CSMD1: variants seen among roughly 807,000 people sequenced by gnomAD.
The protein encoded by CSMD1 is CUB and sushi domain-containing protein 1.
CSMD1 carries 213 observed loss-of-function variants against 417.5 expected under a neutral mutation model. That is an observed-to-expected ratio of 0.51 (90% CI 0.46 to 0.57). The LOEUF (loss-of-function observed/expected upper bound fraction) is 0.57. CSMD1 is among the 20% of genes least tolerant of loss of function. The pLI is 0.00. For synonymous variants in CSMD1, 2,862 were observed against 1,736.8 expected, an observed-to-expected ratio of 1.65 and a Z score of -16.11; for missense variants, 6,923 against 4,529.7, an observed-to-expected ratio of 1.53 and a Z score of -15.17.
chr8:4,007,302 GCTT>G (rs1353179125), intron 4 of CSMD1, among the ~76,000 whole-genome samples: 4 of 152,132 alleles, frequency 2.6e-5, no homozygotes, highest in Non-Finnish European at 4.4e-5. Flanking sequence ...TGGAATGTTG[GCTT>G]CTTCTGTTCC....
At chr8:3,658,841 C>T (rs1366679078) in intron 7 of CSMD1, among the ~76,000 whole-genome samples, 1 of 152,108 alleles carries the variant, frequency 6.6e-6, no homozygotes, top group African/African-American at 2.4e-5. Flanking sequence ...TGGTTAATAA[C>T]ATTGAAGGTT....
intron 7 of CSMD1, chr8:3,700,349 T>C (rs1240594820): frequency 2.6e-5 from 4 of 152,116 alleles, no homozygotes; most frequent in African/African-American, 7.2e-5. Flanking sequence ...AGAAATGAAA[T>C]GAACAGGGTT....
intron 1 of CSMD1, among the ~76,000 whole-genome samples, chr8:4,932,093 G>A (rs912157797): frequency 6.6e-6 from 1 of 152,140 alleles, no homozygotes; most frequent in Non-Finnish European, 1.5e-5. Context: ...ATTTATTAAA[G>A]CAATTTTCAT....
At position 4,303,420 on chromosome 8, in the gene CSMD1, C is replaced by CTTTTTTTTTT. The variant is rs1563419612; in HGVS notation, c.415+116532_415+116533insAAAAAAAAAA. Among the ~76,000 whole-genome samples, 16 of 92,314 alleles carry CTTTTTTTTTT rather than the reference C, an allele frequency of 1.7e-4. 1 individual carries two copies. The highest frequency in any genetic ancestry group is 3.9e-4 in the African/African-American group (9 of 23,002). The allele number at this position is 92,314 out of a possible 152,430, so 60.6% of individuals were successfully genotyped here. Reference sequence around the variant, plus strand: ...TCTCATTTATATATTGGGCAGGAAGCTGTTTTTTTTTTTTTTTTTTTTTTT... The same window carrying CTTTTTTTTTT: ...TCTCATTTATATATTGGGCAGGAAGCTTTTTTTTTTTGTTTTTTTTTTTTTTTTTTTTTTT... On this transcript the variant is annotated intron_variant, in intron 3 of 69. Transcript: ENST00000635120.
At chr8:2,961,255 T>C (rs373667841) in intron 61 of CSMD1, 41 bp from the exon 62 acceptor site, 49 of 1,303,110 alleles carry the variant, frequency 3.8e-5, no homozygotes, top group Non-Finnish European at 5.0e-5. Flanking sequence ...GCACCAGATA[T>C]AGTTATTGTG....
chr8:4,350,834 C>G (rs190215340), intron 3 of CSMD1, among the ~76,000 whole-genome samples: 2 of 152,278 alleles, frequency 1.3e-5, no homozygotes. Flanking sequence ...CTTTCCTTAG[C>G]TGTGGAGACA....
At chr8:4,172,863 T>G (rs759803075) in intron 3 of CSMD1, among the ~76,000 whole-genome samples, 2 of 152,084 alleles carry the variant, frequency 1.3e-5, no homozygotes, top group Non-Finnish European at 2.9e-5. Context: ...GCCGTGTGCG[T>G]AGGCATAAAA....
chr8:3,403,980 G>A (rs1184069516), intron 15 of CSMD1, among the ~76,000 whole-genome samples: 1 of 152,124 alleles, frequency 6.6e-6, no homozygotes, highest in East Asian at 1.9e-4. Context: ...TTTCACCCAT[G>A]GGTGGTGCTT....
intron 3 of CSMD1, among the ~76,000 whole-genome samples, chr8:4,101,150 C>T (rs1200997484): frequency 6.6e-6 from 1 of 152,222 alleles, no homozygotes; most frequent in Non-Finnish European, 1.5e-5. Context: ...ACTTAAGAAC[C>T]ACTCTATACT....
chr8:4,733,116 C>T (rs180718921), intron 1 of CSMD1, among the ~76,000 whole-genome samples: 1 of 152,240 alleles, frequency 6.6e-6, no homozygotes, highest in African/African-American at 2.4e-5. Context: ...GAATAGAAGG[C>T]AACCATTCAT....
chr8:3,877,907 T>C (rs7829460), intron 5 of CSMD1, among the ~76,000 whole-genome samples: 42,594 of 150,732 alleles, frequency 0.28, 8,088 homozygotes, highest in African/African-American at 0.55. Flanking sequence ...TTCAAGTAAA[T>C]CATTTTATAG....
intron 2 of CSMD1, among the ~76,000 whole-genome samples, chr8:4,433,478 C>A (rs1186745906): frequency 1.3e-4 from 20 of 152,288 alleles, no homozygotes; most frequent in South Asian, 6.2e-4. Flanking sequence ...TGGCTATCTG[C>A]AAGCGCGGCC....
At chr8:4,512,476 G>A (rs1288041691) in intron 2 of CSMD1, among the ~76,000 whole-genome samples, 2 of 152,080 alleles carry the variant, frequency 1.3e-5, no homozygotes, top group East Asian at 1.9e-4. Flanking sequence ...AGAGAAGGAA[G>A]AAATAAAAGT....
chr8:4,799,149 G>C lies in CSMD1; in HGVS notation c.86-161591C>G, dbSNP rs150746306. Among the ~76,000 whole-genome samples, 3 of 152,268 alleles carry C rather than the reference G, an allele frequency of 2.0e-5. No homozygotes were observed. In the South Asian group the frequency reaches 6.2e-4, roughly 32 times the overall value. On this transcript the variant is annotated intron_variant, in intron 1 of 69. Coordinates refer to ENST00000635120, the MANE Select transcript of CSMD1 (RefSeq NM_033225.6). ...ATCTTGATCAACTCAATACATGAGA[G>C]ATGTGCTTACATAAAGTCACTACAT...
At chr8:3,532,048 T>G (rs766374466) in intron 10 of CSMD1, among the ~76,000 whole-genome samples, 1 of 152,214 alleles carries the variant, frequency 6.6e-6, no homozygotes, top group Non-Finnish European at 1.5e-5. Context: ...CCTGTCTAGA[T>G]CAGATACTGC....
At chr8:4,481,809 T>C (rs1801114141) in intron 2 of CSMD1, among the ~76,000 whole-genome samples, 1 of 152,168 alleles carries the variant, frequency 6.6e-6, no homozygotes, top group African/African-American at 2.4e-5. Flanking sequence ...GATTAACTTG[T>C]TTAATTTTAA....
chr8:4,154,124 C>T (rs567940534), intron 3 of CSMD1, among the ~76,000 whole-genome samples: 17 of 152,186 alleles, frequency 1.1e-4, no homozygotes, highest in Non-Finnish European at 1.9e-4. Flanking sequence ...GCTTCACAAT[C>T]TGCGACAGCT....
chr8:3,730,122 A>T (rs551397430), intron 6 of CSMD1, among the ~76,000 whole-genome samples: 1 of 152,080 alleles, frequency 6.6e-6, no homozygotes, highest in East Asian at 1.9e-4. Flanking sequence ...TAAACTACTT[A>T]CAAGGAGACA....
chr8:3,871,396 T>G (rs1192958030), intron 5 of CSMD1, among the ~76,000 whole-genome samples: 1 of 152,154 alleles, frequency 6.6e-6, no homozygotes, highest in Non-Finnish European at 1.5e-5. Flanking sequence ...TTGCATTGGT[T>G]TCTTCAACTT....
Sources: allele counts gnomAD v4.1 joint callset (sites outside exome capture counted in the v4.1 genomes callset), GRCh38; gene constraint gnomAD v4.1.1; transcripts MANE v1.5; gene names NCBI Gene and HGNC (gene_info 2026-07-23, HGNC 2026-07-21).